Variants in TAMM41 observed in about 807,000 individuals in gnomAD.
The protein encoded by TAMM41 is TAM41 mitochondrial translocator assembly and maintenance homolog.
In TAMM41, 36 loss-of-function variants were observed where a neutral mutation model predicts 44.1. That is an observed-to-expected ratio of 0.82 (90% CI 0.63 to 1.08). The LOEUF is 1.08. TAMM41 is among the 50% of genes least tolerant of loss of function. TAMM41 has a pLI of 0.00. For missense variants in TAMM41, 417 were observed against 404.3 expected, an observed-to-expected ratio of 1.03 and a Z score of -0.27; for synonymous variants, 164 against 153.1, an observed-to-expected ratio of 1.07 and a Z score of -0.53.
the TAMM41 span, among the ~76,000 whole-genome samples, chr3:11,773,012 A>G: frequency 6.6e-6 from 1 of 152,208 alleles, no homozygotes; most frequent in East Asian, 1.9e-4. Context: ...GTTGGAGTGC[A>G]GTGGTGCGAT....
chr3:11,819,480 A>T (rs1303950043), intron 4 of TAMM41, among the ~76,000 whole-genome samples: 1 of 152,218 alleles, frequency 6.6e-6, no homozygotes, highest in East Asian at 1.9e-4. Flanking sequence ...AAGCATCCCA[A>T]ATGTCCAACA....
chr3:11,793,759 A>G (rs2077541431), intron 7 of TAMM41, among the ~76,000 whole-genome samples: 1 of 152,204 alleles, frequency 6.6e-6, no homozygotes, highest in African/African-American at 2.4e-5. Context: ...AAAAATGGGT[A>G]AAACAGAACC....
the TAMM41 span, among the ~76,000 whole-genome samples, chr3:11,758,255 G>C: frequency 2.5e-4 from 38 of 152,202 alleles, no homozygotes; most frequent in Admixed American, 2.0e-4. Flanking sequence ...GCTGTTAAGA[G>C]TTCTGGGACA....
intron 4 of TAMM41, among the ~76,000 whole-genome samples, chr3:11,822,132 T>C (rs1467670804): frequency 6.6e-6 from 1 of 152,146 alleles, no homozygotes; most frequent in African/African-American, 2.4e-5. Flanking sequence ...GCCCCAAGTA[T>C]TTCAGATAAG....
chr3:11,806,533 G>A (rs1176282484), intron 7 of TAMM41, among the ~76,000 whole-genome samples: 1 of 151,964 alleles, frequency 6.6e-6, no homozygotes, highest in Non-Finnish European at 1.5e-5. Flanking sequence ...AGAAATTCGA[G>A]AAAATCTTCC....
the TAMM41 span, among the ~76,000 whole-genome samples, chr3:11,779,993 G>T: frequency 6.6e-6 from 1 of 152,098 alleles, no homozygotes; most frequent in Non-Finnish European, 1.5e-5. Context: ...ACTTCAATCT[G>T]TCCCTTTTGG....
chr3:11,782,246 A>AT, the TAMM41 span, among the ~76,000 whole-genome samples: 15 of 151,950 alleles, frequency 9.9e-5, no homozygotes, highest in Admixed American at 9.2e-4. Flanking sequence ...TGGTTGTAAA[A>AT]TTTTTTTTTA....
chr3:11,846,370 A>G, intron 1 of TAMM41, 132 bp downstream of exon 1: 1 of 1,072,008 alleles, frequency 9.3e-7, no homozygotes, highest in South Asian at 1.5e-5. Flanking sequence ...AGGCAGGCCT[A>G]TGGTTCACTC....
intron 7 of TAMM41, among the ~76,000 whole-genome samples, chr3:11,791,425 C>A (rs904928918): frequency 6.6e-6 from 1 of 152,170 alleles, no homozygotes; most frequent in Non-Finnish European, 1.5e-5. Context: ...TTTGTCAGAT[C>A]TAAGAGTATC....
the TAMM41 span, among the ~76,000 whole-genome samples, chr3:11,748,501 C>T: frequency 6.6e-6 from 1 of 151,974 alleles, no homozygotes; most frequent in African/African-American, 2.4e-5. Context: ...ACCTCACCCT[C>T]CCAAGTAGCC....
the TAMM41 span, among the ~76,000 whole-genome samples, chr3:11,750,747 C>T: frequency 6.6e-6 from 1 of 152,202 alleles, no homozygotes; most frequent in Non-Finnish European, 1.5e-5. Flanking sequence ...AGCTAAAGTC[C>T]AGTCTATCCT....
the TAMM41 span, among the ~76,000 whole-genome samples, chr3:11,769,827 A>G: frequency 6.6e-6 from 1 of 152,200 alleles, no homozygotes; most frequent in East Asian, 1.9e-4. Context: ...TGTGCTGGAA[A>G]GTGTGACTAC....
At chr3:11,783,002 G>A in the TAMM41 span, among the ~76,000 whole-genome samples, 1 of 152,212 alleles carries the variant, frequency 6.6e-6, no homozygotes, top group African/African-American at 2.4e-5. Context: ...AAGGATCCAT[G>A]ATTCAGCTGG....
chr3:11,830,952 T>G (rs900032011), intron 3 of TAMM41: 6 of 152,040 alleles, frequency 3.9e-5, no homozygotes, highest in Admixed American at 6.6e-5. Context: ...GCACTGCAGT[T>G]AAGAGATGTG....
the TAMM41 span, among the ~76,000 whole-genome samples, chr3:11,723,082 C>T: frequency 6.6e-6 from 1 of 151,638 alleles, no homozygotes; most frequent in Non-Finnish European, 1.5e-5. Context: ...GAGATGACAC[C>T]ACTGTACTCC....
At chr3:11,761,565 T>C in the TAMM41 span, among the ~76,000 whole-genome samples, 1 of 152,098 alleles carries the variant, frequency 6.6e-6, no homozygotes, top group East Asian at 1.9e-4. Flanking sequence ...TAAGCCATAG[T>C]TCCAAATAGC....
At chr3:11,730,056 A>G in the TAMM41 span, among the ~76,000 whole-genome samples, 44,612 of 152,064 alleles carry the variant, frequency 0.29, 6,794 homozygotes, top group Middle Eastern at 0.37. Context: ...CACTAAATTC[A>G]CCCAGAAAAG....
chr3:11,750,761 C>T, the TAMM41 span, among the ~76,000 whole-genome samples: 5 of 152,350 alleles, frequency 3.3e-5, no homozygotes, highest in East Asian at 9.7e-4. Context: ...CTATCCTCAA[C>T]TCACCAGGTG....
intron 5 of TAMM41, among the ~76,000 whole-genome samples, chr3:11,813,864 G>A (rs1440879628): frequency 3.5e-5 from 5 of 143,116 alleles, no homozygotes; most frequent in Non-Finnish European, 6.1e-5. Context: ...GTGTATGTAT[G>A]TATATATATG....
Sources: gnomAD v4.1 joint callset for allele counts (sites outside exome capture counted in the v4.1 genomes callset) on GRCh38, gnomAD v4.1.1 for gene constraint, MANE v1.5 for transcripts, NCBI Gene and HGNC (gene_info 2026-07-23, HGNC 2026-07-21) for gene names.